Variants in RANBP2 observed in about 807,000 individuals in gnomAD.
RANBP2 encodes the protein RAN binding protein 2.
RANBP2 carries 57 observed loss-of-function variants against 303.6 expected under a neutral mutation model. The ratio of observed to expected loss-of-function variants is 0.19; its 90% CI spans 0.15 to 0.23. The LOEUF (loss-of-function observed/expected upper bound fraction) is 0.23, where lower values mean the gene tolerates loss of function less well. RANBP2 is among the 10% of genes least tolerant of loss of function. RANBP2 has a pLI of 1.00. For missense variants in RANBP2, 3,138 were observed against 3,780.8 expected (o/e 0.83, Z 4.46); for synonymous variants, 1,167 against 1,301.5 (o/e 0.90, Z 2.23).
the RANBP2 span, among the ~76,000 whole-genome samples, chr2:109,285,380 CG>C: frequency 1.3e-5 from 2 of 152,346 alleles, no homozygotes; most frequent in Admixed American, 1.3e-4. Flanking sequence ...CCACGGCCAA[CG>C]CACAAAACTT....
At chr2:109,484,574 A>G in the RANBP2 span, among the ~76,000 whole-genome samples, 5 of 152,046 alleles carry the variant, frequency 3.3e-5, no homozygotes, top group African/African-American at 1.2e-4. Flanking sequence ...CTCCTGCCCT[A>G]TCAGCTAATC....
the RANBP2 span, among the ~76,000 whole-genome samples, chr2:109,468,337 C>T: frequency 0.48 from 72,495 of 152,048 alleles, 18,705 homozygotes; most frequent in Non-Finnish European, 0.56. Flanking sequence ...AAGGGGAATG[C>T]GTTGCACTGT....
At chr2:109,458,701 C>G in the RANBP2 span, among the ~76,000 whole-genome samples, 101 of 152,310 alleles carry the variant, frequency 6.6e-4, no homozygotes, top group African/African-American at 2.3e-3. Context: ...AGTTGCTGTG[C>G]AGTCTTGAGG....
chr2:108,993,385 T>A, the RANBP2 span, among the ~76,000 whole-genome samples: 1 of 152,158 alleles, frequency 6.6e-6, no homozygotes, highest in Non-Finnish European at 1.5e-5. Context: ...AGAGACCACA[T>A]TCCACGTGGG....
At chr2:109,730,230 C>T in the RANBP2 span, among the ~76,000 whole-genome samples, 1 of 152,272 alleles carries the variant, frequency 6.6e-6, no homozygotes, top group Admixed American at 6.5e-5. Flanking sequence ...GAAAGAGACA[C>T]CTTATTGTCC....
At chr2:108,867,625 G>A in the RANBP2 span, among the ~76,000 whole-genome samples, 2 of 152,128 alleles carry the variant, frequency 1.3e-5, no homozygotes. Flanking sequence ...AAAGGAATGA[G>A]GGTGGACTTG....
At chr2:109,194,025 A>T in the RANBP2 span, among the ~76,000 whole-genome samples, 1 of 152,216 alleles carries the variant, frequency 6.6e-6, no homozygotes, top group Admixed American at 6.5e-5. Context: ...AAAGTTTTAG[A>T]ACAGTCTGTT....
chr2:109,229,887 C>T, the RANBP2 span, among the ~76,000 whole-genome samples: 1 of 148,220 alleles, frequency 6.7e-6, no homozygotes, highest in Non-Finnish European at 1.5e-5. Context: ...TGCAGTGGCG[C>T]AATCTTGGCT....
chr2:109,311,822 G>C, the RANBP2 span, among the ~76,000 whole-genome samples: 2 of 151,970 alleles, frequency 1.3e-5, no homozygotes, highest in African/African-American at 4.8e-5. Flanking sequence ...TTACTAAAAT[G>C]GTGGTTTGTC....
the RANBP2 span, among the ~76,000 whole-genome samples, chr2:109,181,056 A>G: frequency 6.6e-5 from 10 of 152,330 alleles, no homozygotes; most frequent in Non-Finnish European, 1.3e-4. Flanking sequence ...CCCGCTGTGC[A>G]CACACAGTAC....
At position 108,727,127 on chromosome 2, in the gene RANBP2, C is replaced by G. The variant is rs976931507; in HGVS notation, c.73-2005C>G. On this transcript the variant is annotated intron_variant, in intron 1 of 28. Coordinates refer to ENST00000283195, the MANE Select transcript of RANBP2 (RefSeq NM_006267.5). Reference sequence around the variant, plus strand: ...ACAAAACCGCCATTGTCATCATGGCCCGTTCTCAATGAGCTGTTGAGTACA... The same window carrying G: ...ACAAAACCGCCATTGTCATCATGGCGCGTTCTCAATGAGCTGTTGAGTACA... Among the ~76,000 whole-genome samples, 30 of 152,278 alleles carry G rather than the reference C, an allele frequency of 2.0e-4. 1 individual carries two copies. Among genetic ancestry groups the G allele is most frequent in the Admixed American group, 1.7e-3 (26 of 15,290 alleles).
chr2:109,488,484 A>C, the RANBP2 span, among the ~76,000 whole-genome samples: 1 of 152,138 alleles, frequency 6.6e-6, no homozygotes, highest in Non-Finnish European at 1.5e-5. Context: ...GCCCAGCTGC[A>C]GGGTCTCCCA....
the RANBP2 span, among the ~76,000 whole-genome samples, chr2:109,122,169 G>A: frequency 6.6e-6 from 1 of 152,298 alleles, no homozygotes; most frequent in East Asian, 1.9e-4. Flanking sequence ...AAATTTACAG[G>A]TAGTGAGTGC....
Position 108,753,810 on chromosome 2 carries a change from G to T in RANBP2, c.2056-15G>T. ...TTAAAAACCTAATGATTTCATAAAA[G>T]CACTATTTGTATAGATTTTTCACAG... On this transcript the variant is annotated splice_polypyrimidine_tract_variant and intron_variant, in intron 14 of 28. Transcript: ENST00000283195. 1 of 1,611,850 alleles carries T rather than the reference G, an allele frequency of 6.2e-7. No individual in the cohort carries two copies. The highest frequency in any genetic ancestry group is 8.5e-7 in the Non-Finnish European group (1 of 1,179,788).
At chr2:109,564,686 G>A in the RANBP2 span, 1 of 638,748 alleles carries the variant, frequency 1.6e-6, no homozygotes, top group Non-Finnish European at 2.4e-6. Context: ...TTTTATACAT[G>A]TAACCAAGGA....
the RANBP2 span, chr2:109,613,931 G>GGC: frequency 8.2e-7 from 1 of 1,221,506 alleles, no homozygotes; most frequent in Admixed American, 4.3e-5. Flanking sequence ...CAACGGGCGG[G>GGC]GCGCGAGGCT....
At chr2:109,387,145 T>C in the RANBP2 span, among the ~76,000 whole-genome samples, 4 of 152,226 alleles carry the variant, frequency 2.6e-5, no homozygotes, top group African/African-American at 9.6e-5. Context: ...TTCTTTTCTA[T>C]GTATAAATTT....
the RANBP2 span, chr2:108,923,467 A>C: frequency 5.0e-6 from 8 of 1,612,530 alleles, no homozygotes; most frequent in South Asian, 8.8e-5. Flanking sequence ...CGGGGGAGAG[A>C]CAAGACAAAA....
chr2:109,359,665 ATT>A, the RANBP2 span, among the ~76,000 whole-genome samples: 1 of 152,140 alleles, frequency 6.6e-6, no homozygotes, highest in African/African-American at 2.4e-5. Flanking sequence ...AAAATCCAAA[ATT>A]TTTTGAGCAC....
Sources: gnomAD v4.1 joint callset for allele counts (sites outside exome capture counted in the v4.1 genomes callset) on GRCh38, gnomAD v4.1.1 for gene constraint, MANE v1.5 for transcripts, NCBI Gene and HGNC (gene_info 2026-07-23, HGNC 2026-07-21) for gene names.